The following BRIP1 variants were observed in gnomAD, a reference collection of about 807,000 sequenced individuals.
BRIP1 encodes the protein Fanconi anemia group J protein.
In BRIP1, 88 loss-of-function variants were observed where a neutral mutation model predicts 119.7. That is an observed-to-expected ratio of 0.74 (90% CI 0.62 to 0.88). The LOEUF is 0.88. BRIP1 is among the 40% of genes least tolerant of loss of function. The pLI is 0.00. For synonymous variants in BRIP1, 443 were observed against 496.5 expected, an observed-to-expected ratio of 0.89 and a Z score of 1.43; for missense variants, 1,259 against 1,455.4, an observed-to-expected ratio of 0.87 and a Z score of 2.20.
At chr17:61,800,426 G>A (rs912444093) in intron 8 of BRIP1, among the ~76,000 whole-genome samples, 1 of 152,108 alleles carries the variant, frequency 6.6e-6, no homozygotes, top group Admixed American at 6.5e-5. Flanking sequence ...CAAAAGCAAA[G>A]ATAGAGTAAA....
chr17:61,798,958 T>A lies in BRIP1; in HGVS notation c.1340+142A>T. On this transcript the variant is annotated intron_variant, in intron 9 of 19. Coordinates refer to ENST00000259008, the MANE Select transcript of BRIP1 (RefSeq NM_032043.3). The surrounding 1 kb of genome is among the most constrained non-coding windows in gnomAD (Gnocchi z 5.5). ...ACAAAAGGTTGGACTAGCCTTGTTT[T>A]TAAAGCTTAACTGGCAAGGAACAAT... The A allele has an allele frequency of 1.3e-6, 1 of 770,592 alleles. No homozygotes were observed. Among genetic ancestry groups the A allele is most frequent in the Non-Finnish European group, 2.2e-6 (1 of 457,434 alleles). 47.7% of individuals were successfully genotyped at this position (770,592 alleles called of 1,614,324 possible).
rs1435141985 is a variant in BRIP1 at position 61,751,774 on chromosome 17, G to A, written c.2098-7183C>T. Among the ~76,000 whole-genome samples the A allele has an allele frequency of 6.6e-6, 1 of 151,632 alleles. No homozygotes were observed. The highest frequency in any genetic ancestry group is 6.6e-5 in the Admixed American group (1 of 15,198). ...TACAATTGGGAAGGAACAAATGGAGGATTTTTTTTTTTGAGACAGAGTCTC... is the reference window on the plus strand; with the variant it reads ...TACAATTGGGAAGGAACAAATGGAGAATTTTTTTTTTTGAGACAGAGTCTC... On this transcript the variant is annotated intron_variant, in intron 14 of 19. Coordinates refer to ENST00000259008, the MANE Select transcript of BRIP1 (RefSeq NM_032043.3). This position sits in a 1 kb window ranked among gnomAD's most constrained non-coding sequence, Gnocchi z 6.7.
rs113345306 is a variant in BRIP1 at position 61,717,720 on chromosome 17, A to C, written c.2380-1657T>G. Among the ~76,000 whole-genome samples the C allele has an allele frequency of 1.3e-5, 2 of 152,166 alleles. No homozygotes were observed. Among genetic ancestry groups the C allele is most frequent in the African/African-American group, 4.8e-5 (2 of 41,554 alleles). On this transcript the variant is annotated intron_variant, in intron 16 of 19. Coordinates refer to ENST00000259008, the MANE Select transcript of BRIP1 (RefSeq NM_032043.3). This position sits in a 1 kb window ranked among gnomAD's most constrained non-coding sequence, Gnocchi z 4.1. ...ACCTGTGGGCTTATAGTTTCTATCA[A>C]ACTTGAAAAATTTTCAGCCATTATT... is the stretch of plus-strand genomic sequence containing the variant.
At position 61,808,758 on chromosome 17, in the gene BRIP1, C is replaced by T. The variant is rs1219435870; in HGVS notation, c.628-1G>A. 1 of 1,611,614 alleles carries T rather than the reference C, an allele frequency of 6.2e-7. No individual in the cohort carries two copies. Among genetic ancestry groups the T allele is most frequent in the African/African-American group, 1.3e-5 (1 of 74,932 alleles). ...AGCACCTAGAACAGTGGCCAGGGGG[C>T]TGTAAGAAAGGAAAGAAACGATAAC... On this transcript the variant is annotated splice_acceptor_variant, in intron 6 of 19. Coordinates refer to ENST00000259008, the MANE Select transcript of BRIP1 (RefSeq NM_032043.3). LOFTEE classifies it high-confidence loss of function. The surrounding 1 kb of genome is among the most constrained non-coding windows in gnomAD (Gnocchi z 4.1).
At position 61,700,920 on chromosome 17, in the gene BRIP1, A is replaced by G. The variant is rs1377844992; in HGVS notation, c.2493-7408T>C. ...TCAATTCTTTCTTCTGCCTTCTTAAATCTGCTGTTGGGCCCCTGTAATGAA... is the reference window on the plus strand; with the variant it reads ...TCAATTCTTTCTTCTGCCTTCTTAAGTCTGCTGTTGGGCCCCTGTAATGAA... On this transcript the variant is annotated intron_variant, in intron 17 of 19. Transcript: ENST00000259008. This position sits in a 1 kb window ranked among gnomAD's most constrained non-coding sequence, Gnocchi z 4.1. Among the ~76,000 whole-genome samples the G allele has an allele frequency of 6.6e-6, 1 of 152,062 alleles. No individual in the cohort carries two copies. Among genetic ancestry groups the G allele is most frequent in the Non-Finnish European group, 1.5e-5 (1 of 68,020 alleles).
chr17:61,832,319 A>C lies in BRIP1; in HGVS notation c.627+14782T>G, dbSNP rs781214702. On this transcript the variant is annotated intron_variant, in intron 6 of 19. Coordinates refer to ENST00000259008, the MANE Select transcript of BRIP1 (RefSeq NM_032043.3). This position sits in a 1 kb window ranked among gnomAD's most constrained non-coding sequence, Gnocchi z 5.5. ...TCACCGAATAAAATGGAAAATCACAAGTCCATAAAGATATAAATAAAATGA... is the reference window on the plus strand; with the variant it reads ...TCACCGAATAAAATGGAAAATCACACGTCCATAAAGATATAAATAAAATGA... Among the ~76,000 whole-genome samples the C allele has an allele frequency of 2.6e-5, 4 of 152,244 alleles. No homozygotes were observed. Among genetic ancestry groups the C allele is most frequent in the Non-Finnish European group, 4.4e-5 (3 of 68,022 alleles).
intron 6 of BRIP1, among the ~76,000 whole-genome samples, chr17:61,818,004 T>A (rs2078262708): frequency 6.6e-6 from 1 of 152,148 alleles, no homozygotes. Flanking sequence ...TTTTTTTGGG[T>A]AATCTAAATT....
chr17:61,681,982 A>G lies in BRIP1; in HGVS notation c.*1314T>C. ...AGTCCCAATGCCCAGTGAATAACAG[A>G]TGTTTCTTAAAAAGAGATCAATGAA... is the stretch of plus-strand genomic sequence containing the variant. On this transcript the variant is annotated 3_prime_UTR_variant, in exon 20 of 20. Transcript: ENST00000259008. This position sits in a 1 kb window ranked among gnomAD's most constrained non-coding sequence, Gnocchi z 5.1. The G allele has an allele frequency of 5.0e-6, 1 of 200,832 alleles. No individual in the cohort carries two copies. The highest frequency in any genetic ancestry group is 1.0e-5 in the Non-Finnish European group (1 of 97,578). 12.4% of individuals were successfully genotyped at this position (200,832 alleles called of 1,614,324 possible). A position where few individuals can be genotyped will look rare whatever the true frequency, so the allele number is the denominator to read the frequency against.
Position 61,805,228 on chromosome 17 carries a change from G to A in BRIP1, c.918+3239C>T, listed in dbSNP as rs978853845. 4.6e-5 allele frequency among the ~76,000 whole-genome samples: 7 copies of A among 152,142 alleles called. No individual in the cohort carries two copies. The highest frequency in any genetic ancestry group is 2.6e-4 in the Admixed American group (4 of 15,256). On this transcript the variant is annotated intron_variant, in intron 7 of 19. Transcript: ENST00000259008. The surrounding 1 kb of genome is among the most constrained non-coding windows in gnomAD (Gnocchi z 5.6). ...AGAGATTCATAACCTATAAAAGAAT[G>A]TCAGCAAATCAAAGGACAAGACATG...
chr17:61,688,382 G>C (rs942738293), intron 18 of BRIP1, among the ~76,000 whole-genome samples: 24 of 152,120 alleles, frequency 1.6e-4, no homozygotes, highest in Admixed American at 6.5e-5. Context: ...TTGGGAGACT[G>C]AGGTGGGAGA....
At chr17:61,732,882 C>G (rs993273472) in intron 16 of BRIP1, among the ~76,000 whole-genome samples, 2 of 152,010 alleles carry the variant, frequency 1.3e-5, no homozygotes, top group Non-Finnish European at 2.9e-5. Flanking sequence ...TTAGTAGAGA[C>G]TGGGTTTCAC....
Position 61,844,141 on chromosome 17 carries a change from T to C in BRIP1, c.627+2960A>G, listed in dbSNP as rs919278353. ...ACAGGGTCTCGTTATGTTGCCCAGG[T>C]TGGTCTTGAACTCCTGACCTCAAGC... On this transcript the variant is annotated intron_variant, in intron 6 of 19. Transcript: ENST00000259008. This position sits in a 1 kb window ranked among gnomAD's most constrained non-coding sequence, Gnocchi z 4.7. Among the ~76,000 whole-genome samples, 2 of 151,326 alleles carry C rather than the reference T, an allele frequency of 1.3e-5. No individual in the cohort carries two copies. The highest frequency in any genetic ancestry group is 4.9e-5 in the African/African-American group (2 of 41,200).
chr17:61,859,342 T>C (rs1410594500), intron 3 of BRIP1, among the ~76,000 whole-genome samples: 1 of 152,200 alleles, frequency 6.6e-6, no homozygotes, highest in East Asian at 1.9e-4. Flanking sequence ...ATAATAACTC[T>C]AAGCATCCAA....
At chr17:61,772,185 AT>A (rs2077461915) in intron 14 of BRIP1, among the ~76,000 whole-genome samples, 2 of 83,374 alleles carry the variant, frequency 2.4e-5, no homozygotes, top group African/African-American at 6.7e-5. Context: ...ATATATATAT[AT>A]ATATATATAT....
rs2078663710 is a variant in BRIP1, at chr17:61,841,922, T to C, written c.627+5179A>G. Among the ~76,000 whole-genome samples the C allele has an allele frequency of 6.6e-6, 1 of 152,092 alleles. No individual in the cohort carries two copies. ...GTCTCAAACTCCTGGCCTGAGTGAT[T>C]CTCCTACCTGAGCCTTCCAAAGTGT... On this transcript the variant is annotated intron_variant, in intron 6 of 19. Transcript: ENST00000259008. The surrounding 1 kb of genome is among the most constrained non-coding windows in gnomAD (Gnocchi z 4.1).
rs990737815 is a variant in BRIP1 at position 61,808,714 on chromosome 17, C to G, written c.671G>C (p.Gly224Ala). The change falls in exon 7 of 20, where the codon GGA (glycine) becomes GCA (alanine). Residue 224 changes from glycine (G) to alanine (A), a missense_variant. Around this residue, in one of 3 missense-constraint regions of BRIP1, gnomAD observed 501 missense variants for 544.0 expected, o/e 0.92. Transcript: ENST00000259008. The surrounding 1 kb of genome is among the most constrained non-coding windows in gnomAD (Gnocchi z 4.1). ...CSRCCCSTKQ[G>A]NSQESSNTIK... ...GGTATTCGATGACTCTTGACTGTTT[C>G]CTTGTTTAGTAGAACAACAGCACCT... 3 of 1,613,816 alleles carry G rather than the reference C, an allele frequency of 1.9e-6. No individual in the cohort carries two copies. The highest frequency in any genetic ancestry group is 1.7e-5 in the Admixed American group (1 of 60,006).
At chr17:61,788,452 T>C (rs1198361250) in intron 10 of BRIP1, among the ~76,000 whole-genome samples, 1 of 152,160 alleles carries the variant, frequency 6.6e-6, no homozygotes, top group African/African-American at 2.4e-5. Flanking sequence ...TAACAGAACT[T>C]TTCCTAGAGA....
intron 10 of BRIP1, among the ~76,000 whole-genome samples, chr17:61,790,639 T>G (rs1225677532): frequency 6.6e-6 from 1 of 152,122 alleles, no homozygotes; most frequent in Non-Finnish European, 1.5e-5. Context: ...ATGCTACAAT[T>G]TATCCTTTTC....
chr17:61,763,313 A>C (rs1291918526), intron 14 of BRIP1, among the ~76,000 whole-genome samples: 1 of 152,106 alleles, frequency 6.6e-6, no homozygotes, highest in Non-Finnish European at 1.5e-5. Context: ...AATGTGGGGA[A>C]GGTTGTGCAT....
Sources: gnomAD v4.1 joint callset for allele counts (sites outside exome capture counted in the v4.1 genomes callset) on GRCh38, gnomAD v4.1.1 for gene constraint, gnomAD v4.1.1 regional missense constraint, Gnocchi (gnomAD v3.1) non-coding constraint, MANE v1.5 for transcripts, NCBI Gene and HGNC (gene_info 2026-07-23, HGNC 2026-07-21) for gene names.